Variants in DAB1 observed in about 807,000 individuals in gnomAD.
DAB1 encodes disabled homolog 1.
A neutral mutation model predicts 64.6 loss-of-function variants in DAB1; 15 were observed. The ratio of observed to expected loss-of-function variants is 0.23; its 90% CI spans 0.16 to 0.36. The LOEUF (loss-of-function observed/expected upper bound fraction) is 0.36, where lower values mean the gene tolerates loss of function less well. Ranked by LOEUF, DAB1 falls within the 10% of genes least tolerant of loss-of-function variation. The pLI is 1.00. For missense variants in DAB1, 596 were observed against 706.7 expected, an observed-to-expected ratio of 0.84 and a Z score of 1.78; for synonymous variants, 235 against 251.9, an observed-to-expected ratio of 0.93 and a Z score of 0.64.
At chr1:57,061,038 A>G (rs1363475483) in intron 9 of DAB1, among the ~76,000 whole-genome samples, 1 of 152,140 alleles carries the variant, frequency 6.6e-6, no homozygotes, top group Non-Finnish European at 1.5e-5. Context: ...AAACACGAAG[A>G]GCAGACCAAT....
intron 4 of DAB1, among the ~76,000 whole-genome samples, chr1:58,264,038 C>T (rs764018900): frequency 2.6e-5 from 4 of 152,284 alleles, no homozygotes; most frequent in Middle Eastern, 3.4e-3. Context: ...TATAGTTCAA[C>T]GATGAGAAAC....
chr1:58,305,122 A>G (rs893998294), intron 4 of DAB1, among the ~76,000 whole-genome samples: 14 of 152,222 alleles, frequency 9.2e-5, no homozygotes, highest in Middle Eastern at 3.4e-3. Flanking sequence ...CAGGCTATTC[A>G]CAGGTGCAAT....
chr1:57,622,324 C>T (rs892415014), intron 7 of DAB1, among the ~76,000 whole-genome samples: 1 of 152,196 alleles, frequency 6.6e-6, no homozygotes, highest in African/African-American at 2.4e-5. Flanking sequence ...TTACCCCACT[C>T]ACACAGAAAA....
intron 1 of DAB1, among the ~76,000 whole-genome samples, chr1:57,367,122 T>TAAAATAAAATAAAATAAAATAAAAA (rs1570382070): frequency 8.1e-6 from 1 of 123,228 alleles, no homozygotes; most frequent in Non-Finnish European, 1.9e-5. Flanking sequence ...ATAAAATAAA[T>TAAAATAAAATAAAATAAAATAAAAA]AAATTAGCCA....
At chr1:58,162,269 A>G (rs893592796) in intron 4 of DAB1, among the ~76,000 whole-genome samples, 1 of 152,172 alleles carries the variant, frequency 6.6e-6, no homozygotes, top group African/African-American at 2.4e-5. Flanking sequence ...ACCCAGGTAT[A>G]TGAATTCAGA....
At chr1:57,025,133 G>C (rs1483524184) in intron 10 of DAB1, among the ~76,000 whole-genome samples, 1 of 152,240 alleles carries the variant, frequency 6.6e-6, no homozygotes, top group Non-Finnish European at 1.5e-5. Context: ...AGCTGGTGCA[G>C]CTGCGGCTGA....
At chr1:57,296,018 A>G (rs1673167219) in intron 1 of DAB1, among the ~76,000 whole-genome samples, 1 of 152,178 alleles carries the variant, frequency 6.6e-6, no homozygotes, top group South Asian at 2.1e-4. Flanking sequence ...TCTTGGGTAG[A>G]GTTGAAGCAA....
chr1:57,245,751 T>C (rs574404608), intron 2 of DAB1, among the ~76,000 whole-genome samples: 1 of 152,360 alleles, frequency 6.6e-6, no homozygotes, highest in East Asian at 1.9e-4. Context: ...TACTTGTGCA[T>C]GTGTCTTTAT....
intron 3 of DAB1, among the ~76,000 whole-genome samples, chr1:58,387,153 T>C (rs1431596459): frequency 6.6e-6 from 1 of 151,922 alleles, no homozygotes; most frequent in Non-Finnish European, 1.5e-5. Flanking sequence ...TGAAACTCAT[T>C]ACTGTAAAGT....
chr1:57,023,790 C>A, intron 10 of DAB1, 151 bp from the exon 11 acceptor site: 1 of 618,976 alleles, frequency 1.6e-6, no homozygotes. Context: ...TGGTTACATA[C>A]ACTTTATCTA....
intron 7 of DAB1, among the ~76,000 whole-genome samples, chr1:57,442,635 T>C (rs982285479): frequency 6.6e-6 from 1 of 152,228 alleles, no homozygotes; most frequent in Non-Finnish European, 1.5e-5. Flanking sequence ...GTTATTCCTA[T>C]GAAAATGTTA....
intron 6 of DAB1, among the ~76,000 whole-genome samples, chr1:57,799,635 T>A (rs1269742604): frequency 1.3e-5 from 2 of 151,836 alleles, no homozygotes; most frequent in African/African-American, 2.4e-5. Flanking sequence ...GACAATGGAT[T>A]AGAACCAGGG....
intron 5 of DAB1, among the ~76,000 whole-genome samples, chr1:57,890,847 C>T (rs1644301076): frequency 6.6e-6 from 1 of 152,174 alleles, no homozygotes; most frequent in African/African-American, 2.4e-5. Context: ...GCACAATGGA[C>T]TGTATCTCTA....
intron 3 of DAB1, among the ~76,000 whole-genome samples, chr1:58,360,444 A>G (rs1461316220): frequency 6.6e-6 from 1 of 152,164 alleles, no homozygotes; most frequent in African/African-American, 2.4e-5. Flanking sequence ...GACACATTAC[A>G]TTGATACGGA....
chr1:57,565,917 C>G (rs1316631938), intron 7 of DAB1, among the ~76,000 whole-genome samples: 1 of 152,172 alleles, frequency 6.6e-6, no homozygotes, highest in Non-Finnish European at 1.5e-5. Context: ...AGCTCTGCAC[C>G]AAGCAGACCT....
chr1:58,047,051 T>A (rs895086901), intron 5 of DAB1, among the ~76,000 whole-genome samples: 2 of 152,216 alleles, frequency 1.3e-5, no homozygotes, highest in African/African-American at 4.8e-5. Flanking sequence ...ATTCTTACCA[T>A]GACATGATAT....
intron 5 of DAB1, among the ~76,000 whole-genome samples, chr1:57,999,051 T>G (rs897533828): frequency 6.6e-6 from 1 of 152,340 alleles, no homozygotes. Flanking sequence ...GGAGCATTTG[T>G]GAGCTGCTGT....
At chr1:58,066,401 T>C (rs1648857445) in intron 5 of DAB1, among the ~76,000 whole-genome samples, 1 of 152,244 alleles carries the variant, frequency 6.6e-6, no homozygotes, top group African/African-American at 2.4e-5. Flanking sequence ...TTTTATGTTA[T>C]AATAATCCTA....
chr1:57,142,783 C>T (rs954190213), intron 3 of DAB1, among the ~76,000 whole-genome samples: 2 of 152,118 alleles, frequency 1.3e-5, no homozygotes, highest in Admixed American at 1.3e-4. Flanking sequence ...CATTGAGGTG[C>T]TGTGTGACCG....
Sources: gnomAD v4.1 joint callset for allele counts (sites outside exome capture counted in the v4.1 genomes callset) on GRCh38, gnomAD v4.1.1 for gene constraint, MANE v1.5 for transcripts, NCBI Gene and HGNC (gene_info 2026-07-23, HGNC 2026-07-21) for gene names.